The following HCN1 variants were observed in gnomAD, a reference collection of about 807,000 sequenced individuals.
HCN1 encodes potassium/sodium hyperpolarization-activated cyclic nucleotide-gated channel 1.
A neutral mutation model predicts 78.9 loss-of-function variants in HCN1; 13 were observed. The ratio of observed to expected loss-of-function variants is 0.16; its 90% CI spans 0.11 to 0.26. The LOEUF (loss-of-function observed/expected upper bound fraction) is 0.26, where lower values mean the gene tolerates loss of function less well. Among genes scored for constraint, HCN1 ranks in the 10% least tolerant of loss-of-function variants. HCN1 has a pLI of 1.00. For synonymous variants in HCN1, 552 were observed against 455.5 expected, an observed-to-expected ratio of 1.21 and a Z score of -2.70; for missense variants, 810 against 1,154.3, an observed-to-expected ratio of 0.70 and a Z score of 4.32.
intron 2 of HCN1, among the ~76,000 whole-genome samples, chr5:45,584,015 G>C (rs1744144884): frequency 6.6e-6 from 1 of 152,132 alleles, no homozygotes; most frequent in Admixed American, 6.5e-5. Flanking sequence ...GTTGATTTGG[G>C]GTGGAGAGTT....
chr5:45,315,933 A>G (rs908632342), intron 5 of HCN1, among the ~76,000 whole-genome samples: 1 of 152,180 alleles, frequency 6.6e-6, no homozygotes, highest in African/African-American at 2.4e-5. Context: ...TAGCTTACCA[A>G]CCAAAAAAAG....
intron 6 of HCN1, among the ~76,000 whole-genome samples, chr5:45,292,635 C>CCTAT (rs1359668515): frequency 6.6e-6 from 1 of 151,784 alleles, no homozygotes; most frequent in Non-Finnish European, 1.5e-5. Flanking sequence ...GTATAAATTT[C>CCTAT]CTATCTTCAA....
At chr5:45,586,569 C>T (rs967173899) in intron 2 of HCN1, among the ~76,000 whole-genome samples, 4 of 152,108 alleles carry the variant, frequency 2.6e-5, no homozygotes, top group South Asian at 2.1e-4. Flanking sequence ...AAGATGAACC[C>T]GGTACCTCAG....
At chr5:45,328,836 A>G (rs1217626412) in intron 5 of HCN1, among the ~76,000 whole-genome samples, 1 of 151,688 alleles carries the variant, frequency 6.6e-6, no homozygotes, top group Non-Finnish European at 1.5e-5. Context: ...GAAGCACTAT[A>G]CACAATTTAG....
At chr5:45,510,122 T>C (rs900604670) in intron 2 of HCN1, among the ~76,000 whole-genome samples, 2 of 152,036 alleles carry the variant, frequency 1.3e-5, no homozygotes, top group Non-Finnish European at 2.9e-5. Context: ...TTATGGTCTA[T>C]CCAAAAAATG....
chr5:45,315,006 G>C (rs548089596), intron 5 of HCN1, among the ~76,000 whole-genome samples: 2 of 152,060 alleles, frequency 1.3e-5, no homozygotes, highest in African/African-American at 2.4e-5. Flanking sequence ...ACAGATCAAC[G>C]AGACAGAAAG....
At chr5:45,586,616 C>T (rs970561975) in intron 2 of HCN1, among the ~76,000 whole-genome samples, 2 of 152,136 alleles carry the variant, frequency 1.3e-5, no homozygotes, top group Non-Finnish European at 2.9e-5. Flanking sequence ...CTGTGTCGCT[C>T]AGGCTGGGAG....
At chr5:45,666,130 G>T (rs553937274) in intron 1 of HCN1, among the ~76,000 whole-genome samples, 1 of 152,182 alleles carries the variant, frequency 6.6e-6, no homozygotes, top group Admixed American at 6.6e-5. Flanking sequence ...TGTAGCCTAT[G>T]AATCTTAGAA....
At chr5:45,387,151 C>CAT (rs1747939044) in intron 4 of HCN1, among the ~76,000 whole-genome samples, 1 of 151,672 alleles carries the variant, frequency 6.6e-6, no homozygotes, top group Non-Finnish European at 1.5e-5. Context: ...ATAGTTGTCT[C>CAT]ATATATATAT....
rs1467765440 is a variant in HCN1 at position 45,396,743 on chromosome 5, G to C, written c.1012-33C>G. On this transcript the variant is annotated intron_variant, in intron 3 of 7. Coordinates refer to ENST00000303230, the MANE Select transcript of HCN1 (RefSeq NM_021072.4). ...ATAAGATAAAAAGAAAATTGACTGA[G>C]CCATTAGGATGGCAGAATGAAAAGT... 7 of 1,546,598 alleles carry C rather than the reference G, an allele frequency of 4.5e-6. No homozygotes were observed. In the Admixed American group the frequency reaches 1.0e-4, roughly 22 times the overall value.
chr5:45,298,619 G>A (rs929439753), intron 6 of HCN1, among the ~76,000 whole-genome samples: 18 of 152,114 alleles, frequency 1.2e-4, no homozygotes, highest in African/African-American at 4.1e-4. Context: ...ATATATCCAA[G>A]TGTCCATACT....
At chr5:45,315,119 C>T (rs1472783592) in intron 5 of HCN1, among the ~76,000 whole-genome samples, 6 of 152,214 alleles carry the variant, frequency 3.9e-5, no homozygotes. Flanking sequence ...ACATTCTTCT[C>T]AGCACCACAT....
At chr5:45,562,415 T>C (rs1743623530) in intron 2 of HCN1, among the ~76,000 whole-genome samples, 1 of 152,104 alleles carries the variant, frequency 6.6e-6, no homozygotes, top group Non-Finnish European at 1.5e-5. Context: ...CTCATTCCTG[T>C]AATCCTAACA....
chr5:45,514,407 T>C (rs1742480211), intron 2 of HCN1, among the ~76,000 whole-genome samples: 1 of 152,152 alleles, frequency 6.6e-6, no homozygotes, highest in African/African-American at 2.4e-5. Flanking sequence ...AATCTGGCTG[T>C]AGCCAGACAA....
intron 2 of HCN1, chr5:45,643,472 GA>G (rs1380761902): frequency 6.6e-6 from 1 of 152,038 alleles, no homozygotes; most frequent in African/African-American, 2.4e-5. Context: ...TCTTACTTAA[GA>G]AAAGTTCCCT....
chr5:45,573,918 C>T (rs1051350820), intron 2 of HCN1, among the ~76,000 whole-genome samples: 5 of 151,952 alleles, frequency 3.3e-5, no homozygotes, highest in African/African-American at 1.2e-4. Flanking sequence ...GAGAAAAATA[C>T]ACTGAATTTG....
chr5:45,291,046 A>AT (rs1408208696), intron 6 of HCN1, among the ~76,000 whole-genome samples: 11 of 152,042 alleles, frequency 7.2e-5, no homozygotes, highest in Admixed American at 3.3e-4. Context: ...GTATTATTTG[A>AT]TTTTCTCACT....
intron 3 of HCN1, among the ~76,000 whole-genome samples, chr5:45,442,263 C>G (rs1740693050): frequency 6.6e-6 from 1 of 151,996 alleles, no homozygotes; most frequent in South Asian, 2.1e-4. Context: ...TTTTTCTTCC[C>G]TTTTGTAAAT....
chr5:45,696,329 G>T lies in HCN1; in HGVS notation c.-236C>A. On this transcript the variant is annotated 5_prime_UTR_variant, in exon 1 of 8. Coordinates refer to ENST00000303230, the MANE Select transcript of HCN1 (RefSeq NM_021072.4). Reference sequence around the variant, plus strand: ...GTGGCTGCGGTCCGGGCTCCGGTGCGGCTGGTGCTGAAGCTGAGGCTGCCG... The same window carrying T: ...GTGGCTGCGGTCCGGGCTCCGGTGCTGCTGGTGCTGAAGCTGAGGCTGCCG... 6.4e-6 allele frequency: 1 copy of T among 157,138 alleles called. No homozygotes were observed. Among genetic ancestry groups the T allele is most frequent in the Admixed American group, 6.5e-5 (1 of 15,482 alleles). 9.7% of individuals were successfully genotyped at this position (157,138 alleles called of 1,614,324 possible).
Sources: gnomAD v4.1 joint callset for allele counts (sites outside exome capture counted in the v4.1 genomes callset) on GRCh38, gnomAD v4.1.1 for gene constraint, MANE v1.5 for transcripts, NCBI Gene and HGNC (gene_info 2026-07-23, HGNC 2026-07-21) for gene names.